C5orf22: variants seen among roughly 807,000 people sequenced by gnomAD.
The protein encoded by C5orf22 is chromosome 5 open reading frame 22.
Under a neutral mutation model 48.7 loss-of-function variants are expected in C5orf22, and 36 were observed. The observed-to-expected ratio is 0.74, with a 90% CI of 0.57 to 0.98. The LOEUF is 0.98. C5orf22 is among the 50% of genes least tolerant of loss of function. C5orf22 has a pLI of 0.00. For missense variants in C5orf22, 486 were observed against 521.9 expected, an observed-to-expected ratio of 0.93 and a Z score of 0.67; for synonymous variants, 141 against 180.8, an observed-to-expected ratio of 0.78 and a Z score of 1.76.
At chr5:31,539,909 A>G (rs923458311) in intron 4 of C5orf22, among the ~76,000 whole-genome samples, 1 of 151,930 alleles carries the variant, frequency 6.6e-6, no homozygotes, top group Non-Finnish European at 1.5e-5. Flanking sequence ...TAATTTAGCC[A>G]GGCATAGTGG....
Position 31,542,226 on chromosome 5 carries a change from G to A in C5orf22, c.992+824G>A, listed in dbSNP as rs565417050. ...AGCACTTTGGGAGGCTGAGGCGGGC[G>A]GATCATGAGGTTAGGAGATCGAGAC... On this transcript the variant is annotated intron_variant, in intron 6 of 8. Transcript: ENST00000325366. 1.2e-4 allele frequency among the ~76,000 whole-genome samples: 18 copies of A among 151,770 alleles called. No individual in the cohort carries two copies. In the East Asian group the frequency reaches 2.5e-3, roughly 21 times the overall value.
rs974859434 is a variant in C5orf22 at position 31,553,474 on chromosome 5, A to G, written c.*572A>G. ...ATTCTCTATCTTTTTTTTTTTTTTTAATTTTATAAAAATAGAGATGGGGTC... is the reference window on the plus strand; with the variant it reads ...ATTCTCTATCTTTTTTTTTTTTTTTGATTTTATAAAAATAGAGATGGGGTC... On this transcript the variant is annotated 3_prime_UTR_variant, in exon 9 of 9. Coordinates refer to ENST00000325366, the MANE Select transcript of C5orf22 (RefSeq NM_018356.3). 6.8e-6 allele frequency: 1 copy of G among 147,156 alleles called. No individual in the cohort carries two copies. The highest frequency in any genetic ancestry group is 1.5e-5 in the Non-Finnish European group (1 of 66,606). 9.1% of individuals were successfully genotyped at this position (147,156 alleles called of 1,614,324 possible). A position where few individuals can be genotyped will look rare whatever the true frequency, so the allele number is the denominator to read the frequency against.
intron 4 of C5orf22, among the ~76,000 whole-genome samples, chr5:31,540,557 A>G (rs367744774): frequency 1.3e-4 from 20 of 152,254 alleles, no homozygotes; most frequent in Middle Eastern, 6.8e-3. Flanking sequence ...AAAGATATGT[A>G]TATTTCCTGT....
rs1196588790 is a variant in C5orf22, at chr5:31,553,062, AATG to A, written c.*164_*166del. ...CTCTGAACAACCATTGTCAGTTGTGAATGATGGTAAATTTTTTGGCATCAAGTC... is the reference window on the plus strand; with the variant it reads ...CTCTGAACAACCATTGTCAGTTGTGAATGGTAAATTTTTTGGCATCAAGTC... On this transcript the variant is annotated 3_prime_UTR_variant, in exon 9 of 9. Coordinates refer to ENST00000325366, the MANE Select transcript of C5orf22 (RefSeq NM_018356.3). 1.6e-6 allele frequency: 1 copy of A among 630,052 alleles called. No individual in the cohort carries two copies. The highest frequency in any genetic ancestry group is 1.9e-5 in the African/African-American group (1 of 53,866). The allele number at this position is 630,052 out of a possible 1,614,324, so 39.0% of individuals were successfully genotyped here. A position where few individuals can be genotyped will look rare whatever the true frequency, so the allele number is the denominator to read the frequency against.
chr5:31,539,230 G>A (rs1178183434), intron 4 of C5orf22, among the ~76,000 whole-genome samples: 2 of 152,140 alleles, frequency 1.3e-5, no homozygotes, highest in African/African-American at 4.8e-5. Flanking sequence ...GTATATGAGA[G>A]GGTATGCATA....
At chr5:31,548,220 G>A (rs1474863780) in intron 7 of C5orf22, among the ~76,000 whole-genome samples, 3 of 151,742 alleles carry the variant, frequency 2.0e-5, no homozygotes, top group African/African-American at 7.3e-5. Context: ...AGAATCGCTT[G>A]AACCTGAGAG....
At chr5:31,535,574 A>G (rs1285411727) in intron 2 of C5orf22, among the ~76,000 whole-genome samples, 170 bp from the exon 3 acceptor site, 1 of 152,240 alleles carries the variant, frequency 6.6e-6, no homozygotes, top group Non-Finnish European at 1.5e-5. Flanking sequence ...ATAATGCCTT[A>G]GTATTTTCAT....
At chr5:31,540,092 T>C (rs529263022) in intron 4 of C5orf22, among the ~76,000 whole-genome samples, 2 of 152,256 alleles carry the variant, frequency 1.3e-5, no homozygotes, top group East Asian at 3.9e-4. Flanking sequence ...TTAAGTTCTG[T>C]TGTTAACTCT....
chr5:31,537,733 G>A (rs1742186259), intron 3 of C5orf22, among the ~76,000 whole-genome samples: 1 of 152,130 alleles, frequency 6.6e-6, no homozygotes, highest in Non-Finnish European at 1.5e-5. Context: ...TGATTTTTTG[G>A]ATAAAGATTC....
intron 6 of C5orf22, 94 bp from the exon 7 acceptor site, chr5:31,545,549 GTTA>G: frequency 1.2e-6 from 1 of 816,914 alleles, no homozygotes; most frequent in Non-Finnish European, 2.1e-6. Flanking sequence ...TATGAAGCAT[GTTA>G]TTATGGTAAA....
At chr5:31,541,078 A>G in intron 5 of C5orf22, 67 bp downstream of exon 5, 1 of 1,298,228 alleles carries the variant, frequency 7.7e-7, no homozygotes. Context: ...CTTGCAAATT[A>G]CCACAGTGAT....
chr5:31,537,800 T>C (rs369588065), intron 3 of C5orf22, among the ~76,000 whole-genome samples: 9 of 152,260 alleles, frequency 5.9e-5, no homozygotes, highest in East Asian at 3.8e-4. Flanking sequence ...TTTATTCTTA[T>C]ATTAGAATTC....
chr5:31,540,232 A>G (rs1742368817), intron 4 of C5orf22, among the ~76,000 whole-genome samples: 1 of 152,244 alleles, frequency 6.6e-6, no homozygotes, highest in Non-Finnish European at 1.5e-5. Flanking sequence ...CACTGAAGAT[A>G]TGCCACAACA....
intron 1 of C5orf22, 112 bp downstream of exon 1, chr5:31,532,585 T>A: frequency 4.7e-6 from 4 of 852,602 alleles, no homozygotes; most frequent in Non-Finnish European, 7.4e-6. Flanking sequence ...TAACCAGAGT[T>A]AAACTGCCCT....
intron 6 of C5orf22, among the ~76,000 whole-genome samples, chr5:31,542,295 CAAA>C (rs762874710): frequency 7.6e-6 from 1 of 131,178 alleles, no homozygotes. Context: ...CTAAAAATAC[CAAA>C]AAAAAAAAAA....
chr5:31,543,203 C>T (rs1356484783), intron 6 of C5orf22, among the ~76,000 whole-genome samples: 1 of 152,124 alleles, frequency 6.6e-6, no homozygotes, highest in Non-Finnish European at 1.5e-5. Flanking sequence ...TTGACACTAA[C>T]AAAGCAGTGA....
intron 1 of C5orf22, among the ~76,000 whole-genome samples, 188 bp downstream of exon 1, chr5:31,532,661 G>A (rs991435439): frequency 1.3e-5 from 2 of 152,096 alleles, no homozygotes; most frequent in African/African-American, 2.4e-5. Context: ...ACATTTATGG[G>A]CGCTTCCTAC....
At chr5:31,540,875 T>A in intron 4 of C5orf22, 74 bp from the exon 5 acceptor site, 1 of 1,078,918 alleles carries the variant, frequency 9.3e-7, no homozygotes, top group Non-Finnish European at 1.4e-6. Flanking sequence ...AGGTTGTCTC[T>A]TCCTTAAAGC....
chr5:31,540,981 A>G lies in C5orf22; in HGVS notation c.840A>G (p.Gln280=), dbSNP rs777575268. 9 of 1,613,008 alleles carry G rather than the reference A, an allele frequency of 5.6e-6. No homozygotes were observed. The South Asian group carries it at 8.8e-5, about 16-fold the overall frequency. ...ACAAAATCTTACAAGAGCTGTACCAATTTAAGAAACCTGGCACCAACCTAA... is the reference window on the plus strand; with the variant it reads ...ACAAAATCTTACAAGAGCTGTACCAGTTTAAGAAACCTGGCACCAACCTAA... The part of the protein sequence containing the change: ...EEYKILQELY[Q]FKKPGTNLTE... The change falls in exon 5 of 9, where the codon CAA becomes CAG. Residue 280 remains glutamine (Q), a synonymous_variant. Transcript: ENST00000325366.
Sources: gnomAD v4.1 joint callset for allele counts (sites outside exome capture counted in the v4.1 genomes callset) on GRCh38, gnomAD v4.1.1 for gene constraint, MANE v1.5 for transcripts, NCBI Gene and HGNC (gene_info 2026-07-23, HGNC 2026-07-21) for gene names.